Variants in DCDC2C observed in about 807,000 individuals in gnomAD.
DCDC2C encodes the protein doublecortin domain-containing protein 2C.
DCDC2C carries 44 observed loss-of-function variants against 45.0 expected under a neutral mutation model. The ratio of observed to expected loss-of-function variants is 0.98; its 90% CI spans 0.77 to 1.26. The LOEUF (loss-of-function observed/expected upper bound fraction) is 1.26. Ranked by LOEUF, DCDC2C falls within the 50% of genes most tolerant of loss-of-function variation. DCDC2C has a pLI of 0.00. For synonymous variants in DCDC2C, 187 were observed against 178.8 expected, an observed-to-expected ratio of 1.05 and a Z score of -0.37; for missense variants, 447 against 468.9, an observed-to-expected ratio of 0.95 and a Z score of 0.43.
chr2:3,746,339 G>A (rs962085941), intron 4 of DCDC2C, among the ~76,000 whole-genome samples: 1 of 152,206 alleles, frequency 6.6e-6, no homozygotes, highest in African/African-American at 2.4e-5. Flanking sequence ...TGGGCCTCTT[G>A]TGCCTCACCT....
At chr2:3,730,637 G>A (rs911751630) in intron 3 of DCDC2C, among the ~76,000 whole-genome samples, 10 of 152,216 alleles carry the variant, frequency 6.6e-5, no homozygotes, top group South Asian at 4.1e-4. Flanking sequence ...CAGGGAGAAG[G>A]AGATAACGAC....
intron 8 of DCDC2C, among the ~76,000 whole-genome samples, chr2:3,770,623 A>G (rs1339348188): frequency 1.3e-5 from 2 of 152,226 alleles, no homozygotes; most frequent in Non-Finnish European, 2.9e-5. Flanking sequence ...TTCTAGTGAT[A>G]AGGAAACTAG....
At chr2:3,739,271 G>C (rs554045235) in intron 3 of DCDC2C, among the ~76,000 whole-genome samples, 42 of 152,310 alleles carry the variant, frequency 2.8e-4, no homozygotes, top group South Asian at 2.3e-3. Context: ...ATACAGAAGG[G>C]GGAAGGGAAC....
intron 8 of DCDC2C, 75 bp from the exon 9 acceptor site, chr2:3,778,741 T>C: frequency 7.0e-7 from 1 of 1,426,362 alleles, no homozygotes. Context: ...GGTCGCACTA[T>C]TTCACGTGCT....
chr2:3,764,538 A>G (rs1259976437), intron 6 of DCDC2C, among the ~76,000 whole-genome samples: 1 of 152,232 alleles, frequency 6.6e-6, no homozygotes, highest in Admixed American at 6.5e-5. Context: ...GCTGGAAAGG[A>G]CAGGGGCACT....
At chr2:3,725,600 G>A (rs967667991) in intron 2 of DCDC2C, among the ~76,000 whole-genome samples, 1 of 149,332 alleles carries the variant, frequency 6.7e-6, no homozygotes, top group African/African-American at 2.5e-5. Context: ...GAGGCTGCCA[G>A]GTGGATCCTG....
chr2:3,835,761 C>T (rs568937825), intron 10 of DCDC2C, among the ~76,000 whole-genome samples: 9 of 148,346 alleles, frequency 6.1e-5, no homozygotes, highest in South Asian at 2.1e-4. Flanking sequence ...TTTTTTTTTT[C>T]GAGACAGCAT....
chr2:3,834,819 C>G (rs1055361167), intron 10 of DCDC2C, among the ~76,000 whole-genome samples: 15 of 152,268 alleles, frequency 9.9e-5, no homozygotes, highest in African/African-American at 3.6e-4. Flanking sequence ...AAATGTCCAT[C>G]AAGTGGGATG....
chr2:3,737,019 A>G (rs996761669), intron 3 of DCDC2C, among the ~76,000 whole-genome samples: 1 of 152,154 alleles, frequency 6.6e-6, no homozygotes, highest in East Asian at 1.9e-4. Flanking sequence ...TGAGGCCAAA[A>G]GAGAGTAAGA....
At chr2:3,707,661 G>T (rs182914370) in intron 1 of DCDC2C, among the ~76,000 whole-genome samples, 2 of 152,332 alleles carry the variant, frequency 1.3e-5, no homozygotes, top group African/African-American at 4.8e-5. Context: ...CCGCTATCTG[G>T]ACCTGTGAGG....
chr2:3,826,109 C>T (rs975150144), intron 10 of DCDC2C, among the ~76,000 whole-genome samples: 2 of 152,146 alleles, frequency 1.3e-5, no homozygotes, highest in South Asian at 4.2e-4. Context: ...ATAACCCAGC[C>T]ATGGATGAAA....
At chr2:3,743,587 TAGG>T (rs1669276420) in intron 4 of DCDC2C, among the ~76,000 whole-genome samples, 2 of 152,064 alleles carry the variant, frequency 1.3e-5, no homozygotes, top group African/African-American at 4.8e-5. Context: ...AAATCAGTAA[TAGG>T]AGGAAAATTG....
At chr2:3,809,036 T>G (rs1415864100) in intron 10 of DCDC2C, among the ~76,000 whole-genome samples, 1 of 152,230 alleles carries the variant, frequency 6.6e-6, no homozygotes, top group Non-Finnish European at 1.5e-5. Flanking sequence ...GTTACTTGCA[T>G]TTTTTATAAC....
chr2:3,715,576 T>TTCCATCCATCCA (rs59747438), intron 2 of DCDC2C, among the ~76,000 whole-genome samples: 28 of 151,046 alleles, frequency 1.9e-4, no homozygotes, highest in Non-Finnish European at 2.8e-4. Flanking sequence ...ATCCTAAACT[T>TTCCATCCATCCA]TCCATCCATC....
chr2:3,716,799 C>T (rs1015294822), intron 2 of DCDC2C, among the ~76,000 whole-genome samples: 11 of 152,184 alleles, frequency 7.2e-5, no homozygotes, highest in African/African-American at 1.9e-4. Context: ...ACTCAGACAA[C>T]GTGTGGCCTT....
At chr2:3,749,433 CTA>C (rs1379185682) in intron 4 of DCDC2C, among the ~76,000 whole-genome samples, 2 of 152,226 alleles carry the variant, frequency 1.3e-5, no homozygotes, top group African/African-American at 4.8e-5. Flanking sequence ...GCTCACATTT[CTA>C]TGTCTGTGTG....
At chr2:3,742,644 A>G (rs1261845323) in intron 4 of DCDC2C, among the ~76,000 whole-genome samples, 1 of 152,174 alleles carries the variant, frequency 6.6e-6, no homozygotes, top group Non-Finnish European at 1.5e-5. Flanking sequence ...AATAATACCT[A>G]CTTCCAAGGG....
intron 2 of DCDC2C, among the ~76,000 whole-genome samples, chr2:3,724,362 C>T (rs1197127633): frequency 6.6e-6 from 1 of 152,180 alleles, no homozygotes; most frequent in East Asian, 1.9e-4. Flanking sequence ...AGAGTGGCCT[C>T]TCTGCAGTGA....
At chr2:3,768,074 T>A (rs1460226729) in intron 7 of DCDC2C, among the ~76,000 whole-genome samples, 194 bp downstream of exon 7, 1 of 152,170 alleles carries the variant, frequency 6.6e-6, no homozygotes, top group Non-Finnish European at 1.5e-5. Flanking sequence ...ATTTCACTGC[T>A]GAAGGCAATG....
Sources: gnomAD v4.1 joint callset for allele counts (sites outside exome capture counted in the v4.1 genomes callset) on GRCh38, gnomAD v4.1.1 for gene constraint, MANE v1.5 for transcripts, NCBI Gene and HGNC (gene_info 2026-07-23, HGNC 2026-07-21) for gene names.